MSR1: variants seen among roughly 807,000 people sequenced by gnomAD.
MSR1 encodes the protein macrophage scavenger receptor types I and II.
Under a neutral mutation model 47.2 loss-of-function variants are expected in MSR1, and 53 were observed. The observed-to-expected ratio is 1.12, with a 90% CI of 0.90 to 1.41. MSR1 has a LOEUF of 1.41. Among genes scored for constraint, MSR1 ranks in the 40% most tolerant of loss-of-function variants. MSR1 has a pLI of 0.00. For synonymous variants in MSR1, 239 were observed against 185.6 expected (o/e 1.29, Z -2.34); for missense variants, 786 against 546.9 (o/e 1.44, Z -4.36).
chr8:16,188,162 A>T (rs918437429), intron 1 of MSR1, among the ~76,000 whole-genome samples: 2 of 152,178 alleles, frequency 1.3e-5, no homozygotes, highest in Non-Finnish European at 2.9e-5. Context: ...ACGTTTCTGT[A>T]ATATCAGCAT....
intron 9 of MSR1, among the ~76,000 whole-genome samples, chr8:16,115,280 A>G (rs1225813199): frequency 6.6e-6 from 1 of 152,210 alleles, no homozygotes; most frequent in African/African-American, 2.4e-5. Flanking sequence ...ATAAATAATT[A>G]AAACAATGCA....
rs898415083 is a variant in MSR1 at position 16,109,594 on chromosome 8, A to T, written c.*491T>A. Reference sequence around the variant, plus strand: ...CACATTGAGATATCTTAATAGTTGGATAACATTCTTATTTTAAAACAATAT... The same window carrying T: ...CACATTGAGATATCTTAATAGTTGGTTAACATTCTTATTTTAAAACAATAT... On this transcript the variant is annotated 3_prime_UTR_variant, in exon 10 of 10. Transcript: ENST00000262101. 5 of 169,868 alleles carry T rather than the reference A, an allele frequency of 2.9e-5. No individual in the cohort carries two copies. Among genetic ancestry groups the T allele is most frequent in the African/African-American group, 4.8e-5 (2 of 41,550 alleles). The allele number at this position is 169,868 out of a possible 1,614,324, so 10.5% of individuals were successfully genotyped here.
intron 1 of MSR1, among the ~76,000 whole-genome samples, chr8:16,179,554 G>T (rs901840425): frequency 5.9e-5 from 9 of 152,078 alleles, no homozygotes; most frequent in African/African-American, 2.2e-4. Context: ...TGCATATTTG[G>T]ACTAAATAAA....
chr8:16,150,859 C>CACACACAG (rs1554468475), intron 6 of MSR1, among the ~76,000 whole-genome samples: 1,691 of 150,336 alleles, frequency 0.011, 30 homozygotes, highest in African/African-American at 0.039. Flanking sequence ...TAAACACACA[C>CACACACAG]ACACACACAC....
chr8:16,155,108 C>A lies in MSR1; in HGVS notation c.854G>T (p.Gly285Val), dbSNP rs1277165609. Residue 285 changes from glycine to valine, a missense_variant, in exon 6 of 10, where the codon GGT becomes GTT. Gly to Val is a moderately radical substitution (Grantham distance 109). Transcript: ENST00000262101. ...PGPPGEKGDR[G>V]PTGESGPRGF... ...TCGTGGACCACTTTCTCCAGTGGGACCTCGATCTCCTTTTTCACCCGGGGG... is the reference window on the plus strand; with the variant it reads ...TCGTGGACCACTTTCTCCAGTGGGAACTCGATCTCCTTTTTCACCCGGGGG... The A allele has an allele frequency of 6.8e-6, 11 of 1,612,120 alleles. No homozygotes were observed. Among genetic ancestry groups the A allele is most frequent in the Non-Finnish European group, 9.3e-6 (11 of 1,178,840 alleles).
chr8:16,155,469 C>T (rs569115958), intron 5 of MSR1, among the ~76,000 whole-genome samples: 18 of 152,042 alleles, frequency 1.2e-4, no homozygotes, highest in Non-Finnish European at 2.2e-4. Context: ...TAGTGTTGTA[C>T]GCATCCTAGG....
intron 8 of MSR1, chr8:16,139,772 AAAATAT>A (rs1800495652): frequency 2.6e-5 from 1 of 38,382 alleles, no homozygotes; most frequent in African/African-American, 1.2e-4. Flanking sequence ...AAAAAAAAAA[AAAATAT>A]ATATATATAT....
intron 4 of MSR1, among the ~76,000 whole-genome samples, chr8:16,167,293 C>T (rs558624752): frequency 3.0e-4 from 45 of 152,262 alleles, no homozygotes; most frequent in Non-Finnish European, 5.6e-4. Flanking sequence ...CCTGTAATCC[C>T]AGCACCTTGG....
intron 8 of MSR1, among the ~76,000 whole-genome samples, chr8:16,123,862 C>T (rs1800067334): frequency 6.6e-6 from 1 of 152,178 alleles, no homozygotes; most frequent in South Asian, 2.1e-4. Context: ...AGACCCGAAT[C>T]TGCTTAGGAG....
chr8:16,142,950 G>A (rs960898128), intron 8 of MSR1, among the ~76,000 whole-genome samples: 2 of 152,098 alleles, frequency 1.3e-5, no homozygotes, highest in African/African-American at 2.4e-5. Context: ...TTGACTTACA[G>A]CATGGCAAAT....
chr8:16,145,942 G>A (rs922106259), intron 7 of MSR1, among the ~76,000 whole-genome samples: 1 of 152,182 alleles, frequency 6.6e-6, no homozygotes. Context: ...TTAATAAAAA[G>A]TAACTTATAT....
At chr8:16,146,212 T>C (rs1029226870) in intron 7 of MSR1, among the ~76,000 whole-genome samples, 8 of 152,068 alleles carry the variant, frequency 5.3e-5, no homozygotes, top group Non-Finnish European at 1.0e-4. Flanking sequence ...TCCTCTCTCC[T>C]AAGCCTTGTG....
intron 1 of MSR1, among the ~76,000 whole-genome samples, chr8:16,182,195 CAT>C (rs1801852362): frequency 1.3e-5 from 2 of 152,088 alleles, no homozygotes; most frequent in African/African-American, 4.8e-5. Flanking sequence ...CATATCTACA[CAT>C]AGAGAAATGC....
At chr8:16,142,956 C>T (rs1800599635) in intron 8 of MSR1, among the ~76,000 whole-genome samples, 1 of 152,060 alleles carries the variant, frequency 6.6e-6, no homozygotes, top group African/African-American at 2.4e-5. Context: ...TACAGCATGG[C>T]AAATAGAAGA....
At chr8:16,156,875 T>G (rs1240761498) in intron 5 of MSR1, among the ~76,000 whole-genome samples, 1 of 151,944 alleles carries the variant, frequency 6.6e-6, no homozygotes, top group South Asian at 2.1e-4. Flanking sequence ...GTGCCCCCTA[T>G]TCCCTGCAGA....
rs1800473782 is a variant in MSR1 at position 16,139,539 on chromosome 8, T to C, written c.1033+4019A>G. The C allele has an allele frequency of 3.1e-6, 3 of 983,600 alleles. No homozygotes were observed. The African/African-American group carries it at 5.3e-5, about 17-fold the overall frequency. 60.9% of individuals were successfully genotyped at this position (983,600 alleles called of 1,614,324 possible). ...TGTTAAAACGTAAAGGAAAGAAGAG[T>C]TGTGAAAATGTAGTCTGTTGATCAG... On this transcript the variant is annotated intron_variant, in intron 8 of 9. Transcript: ENST00000262101.
At chr8:16,185,063 T>C (rs1275192045) in intron 1 of MSR1, among the ~76,000 whole-genome samples, 1 of 152,058 alleles carries the variant, frequency 6.6e-6, no homozygotes, top group Non-Finnish European at 1.5e-5. Context: ...GCTACATTTG[T>C]GCACCATGGG....
intron 2 of MSR1, among the ~76,000 whole-genome samples, chr8:16,176,242 C>G (rs899367131): frequency 6.6e-6 from 1 of 152,116 alleles, no homozygotes; most frequent in African/African-American, 2.4e-5. Flanking sequence ...TGCAGTGGCT[C>G]ACGCCTGTAA....
intron 8 of MSR1, among the ~76,000 whole-genome samples, chr8:16,135,305 T>C (rs1251868959): frequency 6.6e-6 from 1 of 152,108 alleles, no homozygotes; most frequent in African/African-American, 2.4e-5. Flanking sequence ...GAAATGCTCA[T>C]TTGCTATTCT....
Sources: allele counts gnomAD v4.1 joint callset (sites outside exome capture counted in the v4.1 genomes callset), GRCh38; gene constraint gnomAD v4.1.1; transcripts MANE v1.5; gene names NCBI Gene and HGNC (gene_info 2026-07-23, HGNC 2026-07-21).